LIPN: variants seen among roughly 807,000 people sequenced by gnomAD.
LIPN encodes the protein lipase member N.
LIPN carries 32 observed loss-of-function variants against 43.7 expected under a neutral mutation model. That is an observed-to-expected ratio of 0.73 (90% confidence interval 0.55 to 0.98). LIPN has a LOEUF of 0.98. Among genes scored for constraint, LIPN ranks in the 50% least tolerant of loss-of-function variants. The pLI is 0.00. For missense variants in LIPN, 505 were observed against 483.8 expected (o/e 1.04, Z -0.41); for synonymous variants, 156 against 157.6 (o/e 0.99, Z 0.08).
chr10:88,765,675 G>C (rs116243491), intron 4 of LIPN, among the ~76,000 whole-genome samples: 1,609 of 151,876 alleles, frequency 0.011, 33 homozygotes, highest in African/African-American at 0.037. Flanking sequence ...ATATATCCAT[G>C]TGGACAGGAA....
At chr10:88,774,787 C>T (rs1843269064) in intron 8 of LIPN, among the ~76,000 whole-genome samples, 1 of 151,900 alleles carries the variant, frequency 6.6e-6, no homozygotes, top group African/African-American at 2.4e-5. Context: ...AGGCCCTGAA[C>T]TGAAGCAAGA....
In LIPN at chr10:88,761,158, A is replaced by G. The variant is rs190782947; in HGVS notation, c.-8-240A>G. Among the ~76,000 whole-genome samples, 178 of 152,262 alleles carry G rather than the reference A, an allele frequency of 1.2e-3. 2 individuals carry two copies. The highest frequency in any genetic ancestry group is 9.8e-3 in the Admixed American group (150 of 15,282). On this transcript the variant is annotated intron_variant, in intron 1 of 9. Coordinates refer to ENST00000404459, the MANE Select transcript of LIPN (RefSeq NM_001102469.2). ...TTAAAATAAGACCAAAAATGCCTCC[A>G]TACTTGATTAAATTTATTTCATTTT...
intron 3 of LIPN, among the ~76,000 whole-genome samples, chr10:88,763,466 G>T (rs370632843): frequency 1.2e-4 from 19 of 152,002 alleles, no homozygotes; most frequent in African/African-American, 4.3e-4. Flanking sequence ...TCATTCATTA[G>T]ATGTAATGTT....
intron 6 of LIPN, among the ~76,000 whole-genome samples, chr10:88,770,181 A>C (rs1254424057): frequency 6.6e-6 from 1 of 151,704 alleles, no homozygotes; most frequent in South Asian, 2.1e-4. Context: ...TCCCCATCCA[A>C]GTTTACTTTC....
chr10:88,768,913 A>C lies in LIPN; in HGVS notation c.657A>C (p.Pro219=). Residue 219 remains proline (P), a synonymous_variant, in exon 6 of 10, where the codon CCA becomes CCC. Transcript: ENST00000404459. The part of the protein sequence containing the change: ...TGIFTRFFLL[P]NSIIKAVFGT... ...TTTTTACCAGGTTTTTTCTACTTCC[A>C]AATTCCATAATCAAGGTAGGCTCCT... 1 of 1,611,298 alleles carries C rather than the reference A, an allele frequency of 6.2e-7. No homozygotes were observed.
At chr10:88,767,640 T>G (rs1843125716) in intron 5 of LIPN, among the ~76,000 whole-genome samples, 1 of 68,432 alleles carries the variant, frequency 1.5e-5, no homozygotes, top group Non-Finnish European at 3.0e-5. Context: ...TTATACTTGA[T>G]CTGCAAAAAA....
intron 7 of LIPN, among the ~76,000 whole-genome samples, chr10:88,772,706 C>CT (rs1423504095): frequency 1.3e-5 from 2 of 151,716 alleles, no homozygotes; most frequent in African/African-American, 2.4e-5. Flanking sequence ...CAGCTTTGTT[C>CT]TTTTTTCTCA....
intron 6 of LIPN, among the ~76,000 whole-genome samples, chr10:88,770,205 G>T (rs1279747061): frequency 6.6e-6 from 1 of 151,808 alleles, no homozygotes; most frequent in Non-Finnish European, 1.5e-5. Context: ...ACTCCTGGAA[G>T]TTTCAATTGT....
At chr10:88,762,698 C>A (rs1843022885) in intron 3 of LIPN, among the ~76,000 whole-genome samples, 1 of 152,048 alleles carries the variant, frequency 6.6e-6, no homozygotes, top group Non-Finnish European at 1.5e-5. Flanking sequence ...CCAAGAAGAA[C>A]CTCTCCTGCT....
chr10:88,766,465 A>C, intron 5 of LIPN, 87 bp downstream of exon 5: 1 of 815,560 alleles, frequency 1.2e-6, no homozygotes, highest in Non-Finnish European at 2.1e-6. Context: ...TGTTGGAATA[A>C]AACAACTGTT....
In LIPN at chr10:88,777,125, T is replaced by G. The variant is rs1355102970; in HGVS notation, c.964-884T>G. Among the ~76,000 whole-genome samples, 4 of 152,122 alleles carry G rather than the reference T, an allele frequency of 2.6e-5. No homozygotes were observed. The South Asian group carries it at 8.3e-4, about 31-fold the overall frequency. ...TTTAAAGTCACCCATGGCTTTTAAT[T>G]GCCAAATTCAATGGCCTATCTTCAC... On this transcript the variant is annotated intron_variant, in intron 9 of 9. Transcript: ENST00000404459.
chr10:88,775,934 T>C, intron 9 of LIPN, among the ~76,000 whole-genome samples: 1 of 152,088 alleles, frequency 6.6e-6, no homozygotes, highest in Non-Finnish European at 1.5e-5. Flanking sequence ...CAATAATGAA[T>C]TGGCCTGTTA....
intron 5 of LIPN, among the ~76,000 whole-genome samples, chr10:88,768,078 A>C (rs1301252772): frequency 6.6e-6 from 1 of 150,834 alleles, no homozygotes; most frequent in African/African-American, 2.4e-5. Flanking sequence ...GTGGAGGCCC[A>C]GGAAGGGACC....
intron 7 of LIPN, 149 bp downstream of exon 7, chr10:88,771,140 G>A: frequency 1.6e-6 from 1 of 608,494 alleles, no homozygotes; most frequent in South Asian, 2.7e-5. Context: ...AAATGTTTAT[G>A]GGTATATAAT....
chr10:88,774,638 T>A (rs1843266378), intron 8 of LIPN, 94 bp downstream of exon 8: 2 of 988,336 alleles, frequency 2.0e-6, no homozygotes, highest in Non-Finnish European at 1.6e-6. Flanking sequence ...ACCCTAAGAA[T>A]CTTAAGAGCT....
Position 88,770,686 on chromosome 10 carries a change from C to T in LIPN, c.673-159C>T, listed in dbSNP as rs1225874310. ...AATGTCAAGAAGTCTGAAGATGATT[C>T]TTGAATTTTGGTTTTTTGCTATTGC... On this transcript the variant is annotated intron_variant, in intron 6 of 9. Coordinates refer to ENST00000404459, the MANE Select transcript of LIPN (RefSeq NM_001102469.2). 2.0e-5 allele frequency among the ~76,000 whole-genome samples: 3 copies of T among 151,782 alleles called. No homozygotes were observed. The East Asian group carries it at 5.8e-4, about 29-fold the overall frequency.
At chr10:88,762,100 C>A (rs1843010608) in intron 2 of LIPN, 88 bp from the exon 3 acceptor site, 2 of 584,222 alleles carry the variant, frequency 3.4e-6, no homozygotes, top group South Asian at 2.9e-5. Flanking sequence ...ATAATTCACC[C>A]TAATAAGCAC....
Position 88,770,898 on chromosome 10 carries a change from T to G in LIPN, c.726T>G (p.Ala242=), listed in dbSNP as rs768393863. The G allele has an allele frequency of 4.5e-6, 7 of 1,545,680 alleles. No homozygotes were observed. Among genetic ancestry groups the G allele is most frequent in the Non-Finnish European group, 4.4e-6 (5 of 1,141,906 alleles). ...FFLEDKKTKI[A]STKICNNKIL... ...TAGAAGATAAGAAAACGAAGATAGCTTCTACCAAAATCTGCAACAATAAGA... is the reference window on the plus strand; with the variant it reads ...TAGAAGATAAGAAAACGAAGATAGCGTCTACCAAAATCTGCAACAATAAGA... Residue 242 remains alanine, a synonymous_variant, in exon 7 of 10, where the codon GCT becomes GCG. Transcript: ENST00000404459.
chr10:88,761,760 TATGTATCTATCTATCTATTTATC>T (rs1564578407), intron 2 of LIPN, among the ~76,000 whole-genome samples: 24 of 75,138 alleles, frequency 3.2e-4, no homozygotes, highest in African/African-American at 1.5e-3. Flanking sequence ...TCTATCTATC[TATGTATCTATCTATCTATTTATC>T]TATCTATCTA....
Sources: allele counts gnomAD v4.1 joint callset (sites outside exome capture counted in the v4.1 genomes callset), GRCh38; gene constraint gnomAD v4.1.1; transcripts MANE v1.5; gene names NCBI Gene and HGNC (gene_info 2026-07-23, HGNC 2026-07-21).